LRBA: variants seen among roughly 807,000 people sequenced by gnomAD.
LRBA encodes lipopolysaccharide-responsive and beige-like anchor protein.
LRBA carries 176 observed loss-of-function variants against 330.0 expected under a neutral mutation model. The ratio of observed to expected loss-of-function variants is 0.53; its 90% CI spans 0.47 to 0.60. The LOEUF (loss-of-function observed/expected upper bound fraction) is 0.60, where lower values mean the gene tolerates loss of function less well. Ranked by LOEUF, LRBA falls within the 20% of genes least tolerant of loss-of-function variation. The pLI, the probability that LRBA is intolerant of heterozygous loss-of-function variation, is 0.00. For synonymous variants in LRBA, 1,230 were observed against 1,193.0 expected (o/e 1.03, Z -0.64); for missense variants, 3,259 against 3,444.8 (o/e 0.95, Z 1.35).
intron 36 of LRBA, among the ~76,000 whole-genome samples, chr4:150,702,158 G>GA (rs754075586): frequency 2.7e-4 from 41 of 152,170 alleles, no homozygotes; most frequent in Non-Finnish European, 3.2e-4. Flanking sequence ...AAGCTAGTAA[G>GA]AAAAAATAGT....
intron 47 of LRBA, among the ~76,000 whole-genome samples, chr4:150,408,885 C>T (rs1463452670): frequency 6.6e-6 from 1 of 151,908 alleles, no homozygotes; most frequent in Non-Finnish European, 1.5e-5. Flanking sequence ...ATATATAAAG[C>T]TTTAATATAC....
At chr4:150,838,505 T>A (rs1056701272) in intron 28 of LRBA, among the ~76,000 whole-genome samples, 2 of 152,174 alleles carry the variant, frequency 1.3e-5, no homozygotes. Flanking sequence ...TACTCTTTTT[T>A]CTCTAAACTT....
intron 26 of LRBA, among the ~76,000 whole-genome samples, chr4:150,847,884 C>T (rs993801442): frequency 6.6e-6 from 1 of 152,150 alleles, no homozygotes; most frequent in African/African-American, 2.4e-5. Flanking sequence ...ATTACCACAG[C>T]TTTTTTGAAT....
chr4:150,722,899 G>A (rs898997950), intron 36 of LRBA, among the ~76,000 whole-genome samples: 1 of 151,994 alleles, frequency 6.6e-6, no homozygotes, highest in African/African-American at 2.4e-5. Context: ...TGCACTTTGG[G>A]GAAGGAGAGC....
chr4:150,691,545 C>G (rs1784138453), intron 36 of LRBA, among the ~76,000 whole-genome samples: 2 of 152,156 alleles, frequency 1.3e-5, no homozygotes, highest in Non-Finnish European at 2.9e-5. Context: ...AGCTACAATA[C>G]CAAGCACTGA....
intron 47 of LRBA, among the ~76,000 whole-genome samples, chr4:150,388,014 C>CTTAAACATGAGAAATCTAGT (rs1164933265): frequency 2.0e-5 from 3 of 152,162 alleles, no homozygotes; most frequent in Non-Finnish European, 4.4e-5. Context: ...GATTGTGTGG[C>CTTAAACATGAGAAATCTAGT]TTAAACATGA....
At chr4:150,478,268 A>T (rs1241078984) in intron 42 of LRBA, among the ~76,000 whole-genome samples, 2 of 152,098 alleles carry the variant, frequency 1.3e-5, no homozygotes, top group Non-Finnish European at 2.9e-5. Flanking sequence ...TTCAATCTGG[A>T]TGTCTCTCAG....
chr4:150,808,556 AATGC>A (rs1368638688), intron 31 of LRBA, among the ~76,000 whole-genome samples, 158 bp from the exon 32 acceptor site: 3 of 152,164 alleles, frequency 2.0e-5, no homozygotes, highest in Non-Finnish European at 4.4e-5. Context: ...TTAACAACTA[AATGC>A]TTTCATATAT....
chr4:150,408,580 T>C (rs1039900899), intron 47 of LRBA, among the ~76,000 whole-genome samples: 55 of 152,198 alleles, frequency 3.6e-4, no homozygotes, highest in African/African-American at 1.3e-3. Flanking sequence ...CAGATGAGGA[T>C]ATCACAAAAA....
chr4:150,764,821 G>A (rs6811016), intron 34 of LRBA, among the ~76,000 whole-genome samples: 126,537 of 151,946 alleles, frequency 0.83, 53,920 homozygotes, highest in Non-Finnish European at 0.94. Context: ...TTGCTGGTGG[G>A]AATGCAAAAT....
intron 30 of LRBA, among the ~76,000 whole-genome samples, chr4:150,821,495 T>C (rs185507984): frequency 1.4e-4 from 21 of 152,198 alleles, no homozygotes; most frequent in East Asian, 1.2e-3. Context: ...ATTTTTTTTT[T>C]CCCCTGAACA....
chr4:150,299,031 T>C (rs1305229263), intron 53 of LRBA, among the ~76,000 whole-genome samples: 2 of 152,098 alleles, frequency 1.3e-5, no homozygotes, highest in Non-Finnish European at 2.9e-5. Flanking sequence ...AATAAGATCA[T>C]GTCAAAGTTT....
At chr4:150,431,879 C>T (rs1750429787) in intron 46 of LRBA, among the ~76,000 whole-genome samples, 1 of 151,878 alleles carries the variant, frequency 6.6e-6, no homozygotes. Context: ...ATCCACAAAA[C>T]TTTAAAAACA....
At chr4:150,798,055 A>G in intron 34 of LRBA, 26 bp downstream of exon 34, 1 of 1,503,644 alleles carries the variant, frequency 6.7e-7, no homozygotes, top group Non-Finnish European at 9.2e-7. Flanking sequence ...TCTACTTTTA[A>G]TTCAACATTT....
Position 150,769,919 on chromosome 4 carries a change from G to A in LRBA, c.5581-8072C>T, listed in dbSNP as rs148244053. 4.3e-3 allele frequency among the ~76,000 whole-genome samples: 651 copies of A among 152,280 alleles called. 4 individuals are homozygous for A. The highest frequency in any genetic ancestry group is 0.015 in the African/African-American group (630 of 41,554). On this transcript the variant is annotated intron_variant, in intron 34 of 56. Transcript: ENST00000651943. The stretch of plus-strand genomic sequence containing the variant: ...ATACAACCAAAACCATTCTAAACCT[G>A]TGACAGTCAATTTTATGTGTCAACT...
At chr4:150,844,898 T>C in intron 26 of LRBA, 119 bp from the exon 27 acceptor site, 2 of 788,258 alleles carry the variant, frequency 2.5e-6, no homozygotes, top group Non-Finnish European at 4.0e-6. Context: ...ACAGACGACA[T>C]TCAGCTTATT....
At chr4:150,459,791 A>G (rs966454014) in intron 44 of LRBA, among the ~76,000 whole-genome samples, 1 of 151,984 alleles carries the variant, frequency 6.6e-6, no homozygotes, top group Non-Finnish European at 1.5e-5. Flanking sequence ...TTTGATGCCA[A>G]GATTAAACTA....
chr4:150,949,884 C>T (rs561377297), intron 2 of LRBA, among the ~76,000 whole-genome samples: 2 of 152,130 alleles, frequency 1.3e-5, no homozygotes, highest in South Asian at 2.1e-4. Flanking sequence ...TTGCCCTACA[C>T]CTGAAAAAAT....
At chr4:150,597,263 T>C in intron 38 of LRBA, 1 of 384,160 alleles carries the variant, frequency 2.6e-6, no homozygotes, top group Non-Finnish European at 4.9e-6. Context: ...TTAATGCAGA[T>C]GCTTAGCATT....
Sources: allele counts gnomAD v4.1 joint callset (sites outside exome capture counted in the v4.1 genomes callset), GRCh38; gene constraint gnomAD v4.1.1; transcripts MANE v1.5; gene names NCBI Gene and HGNC (gene_info 2026-07-23, HGNC 2026-07-21).